Variants in PDE1A observed in about 807,000 individuals in gnomAD.
PDE1A encodes dual specificity calcium/calmodulin-dependent 3',5'-cyclic nucleotide phosphodiesterase 1A.
PDE1A carries 35 observed loss-of-function variants against 61.7 expected under a neutral mutation model. The ratio of observed to expected loss-of-function variants is 0.57; its 90% CI spans 0.43 to 0.75. The LOEUF (loss-of-function observed/expected upper bound fraction) is 0.75, where lower values mean the gene tolerates loss of function less well. Among genes scored for constraint, PDE1A ranks in the 30% least tolerant of loss-of-function variants. The pLI, the probability that PDE1A is intolerant of heterozygous loss-of-function variation, is 0.00. For synonymous variants in PDE1A, 232 were observed against 213.2 expected, an observed-to-expected ratio of 1.09 and a Z score of -0.77; for missense variants, 597 against 630.6, an observed-to-expected ratio of 0.95 and a Z score of 0.57.
chr2:182,552,480 TGTCAC>T, the PDE1A span, among the ~76,000 whole-genome samples: 1 of 85,716 alleles, frequency 1.2e-5, no homozygotes, highest in Admixed American at 1.1e-4. Flanking sequence ...AGTGTCGCTC[TGTCAC>T]CCAGGCTGGA....
chr2:182,282,331 T>C (rs1178814178), intron 1 of PDE1A, among the ~76,000 whole-genome samples: 1 of 151,952 alleles, frequency 6.6e-6, no homozygotes, highest in Non-Finnish European at 1.5e-5. Context: ...CAAGCCTCCT[T>C]ACATACATTT....
At chr2:182,431,132 A>C (rs563260611), upstream of PDE1A, among the ~76,000 whole-genome samples, 7,009 of 150,194 alleles carry the variant, frequency 0.047, 205 homozygotes, top group Middle Eastern at 0.076. Context: ...AAAAAAAAAA[A>C]AAAAAAAAAC....
chr2:182,542,283 T>C, the PDE1A span, among the ~76,000 whole-genome samples: 1 of 152,152 alleles, frequency 6.6e-6, no homozygotes, highest in African/African-American at 2.4e-5. Context: ...ACGCTCAATT[T>C]CACAAAAAGA....
At chr2:182,152,765 T>C (rs1179879134) in intron 13 of PDE1A, among the ~76,000 whole-genome samples, 1 of 152,110 alleles carries the variant, frequency 6.6e-6, no homozygotes. Context: ...AAGAAGCAGT[T>C]GTATGTGTTC....
At chr2:182,615,996 T>A in the PDE1A span, among the ~76,000 whole-genome samples, 1 of 152,212 alleles carries the variant, frequency 6.6e-6, no homozygotes, top group African/African-American at 2.4e-5. Flanking sequence ...ACTTTGGAGG[T>A]CACATTCAAA....
At chr2:182,319,171 G>C (rs1349507111) in intron 1 of PDE1A, among the ~76,000 whole-genome samples, 1 of 152,020 alleles carries the variant, frequency 6.6e-6, no homozygotes, top group Non-Finnish European at 1.5e-5. Context: ...TTTGATTTCT[G>C]TAAGAGGATC....
chr2:182,246,445 T>G (rs1690981638), intron 2 of PDE1A, among the ~76,000 whole-genome samples: 1 of 136,240 alleles, frequency 7.3e-6, no homozygotes, highest in Non-Finnish European at 1.5e-5. Flanking sequence ...GCTCCGTCGC[T>G]CAGGCTGTAG....
the PDE1A span, among the ~76,000 whole-genome samples, chr2:182,613,328 C>T: frequency 1.3e-5 from 2 of 151,988 alleles, no homozygotes; most frequent in Non-Finnish European, 2.9e-5. Context: ...TTTGGGAGGC[C>T]GAGGCGAGTG....
At chr2:182,610,925 G>A in the PDE1A span, among the ~76,000 whole-genome samples, 1 of 152,160 alleles carries the variant, frequency 6.6e-6, no homozygotes, top group Non-Finnish European at 1.5e-5. Context: ...TGGTTACAAA[G>A]TATTTTATAT....
At chr2:182,648,461 A>G in the PDE1A span, among the ~76,000 whole-genome samples, 1 of 144,512 alleles carries the variant, frequency 6.9e-6, no homozygotes, top group Non-Finnish European at 1.5e-5. Context: ...CCTTGTGGCC[A>G]GGAGTTTGAG....
the PDE1A span, among the ~76,000 whole-genome samples, chr2:182,543,945 GTC>G: frequency 2.0e-5 from 3 of 152,068 alleles, no homozygotes; most frequent in African/African-American, 7.2e-5. Context: ...CTTCCTCTCT[GTC>G]TCTCCTTCCC....
At chr2:182,510,208 T>C (rs1339592952) in intron 2 of PDE1A, among the ~76,000 whole-genome samples, 1 of 152,102 alleles carries the variant, frequency 6.6e-6, no homozygotes, top group Non-Finnish European at 1.5e-5. Flanking sequence ...CAAGAAAGTA[T>C]AGCTGAAAGG....
chr2:182,490,691 A>C (rs1218301793), intron 2 of PDE1A, among the ~76,000 whole-genome samples: 1 of 152,114 alleles, frequency 6.6e-6, no homozygotes, highest in Non-Finnish European at 1.5e-5. Context: ...TATTTTTTTA[A>C]CCTGAAAATA....
the PDE1A span, among the ~76,000 whole-genome samples, chr2:182,602,418 A>G: frequency 6.6e-6 from 1 of 152,164 alleles, no homozygotes; most frequent in Admixed American, 6.5e-5. Flanking sequence ...ATCCAACACC[A>G]ACTGGTCAAA....
chr2:182,163,726 T>C (rs1300082690), downstream of PDE1A, among the ~76,000 whole-genome samples: 1 of 152,158 alleles, frequency 6.6e-6, no homozygotes, highest in African/African-American at 2.4e-5. Flanking sequence ...TTTGGGTGTG[T>C]TACCCTAGCC....
chr2:182,194,524 C>A (rs1033447667), intron 10 of PDE1A, among the ~76,000 whole-genome samples: 2 of 152,120 alleles, frequency 1.3e-5, no homozygotes, highest in South Asian at 2.1e-4. Flanking sequence ...AGGCTTGTTG[C>A]GAAAATGCCT....
intron 13 of PDE1A, among the ~76,000 whole-genome samples, chr2:182,169,372 G>C (rs1037822816): frequency 3.9e-5 from 6 of 151,946 alleles, no homozygotes; most frequent in African/African-American, 1.5e-4. Context: ...CACAAATGTG[G>C]CATGGATTTT....
chr2:182,547,345 A>G, the PDE1A span, among the ~76,000 whole-genome samples: 1 of 152,288 alleles, frequency 6.6e-6, no homozygotes, highest in South Asian at 2.1e-4. Context: ...TACCCCCACA[A>G]AAAAGAGAAC....
chr2:182,715,756 T>G, the PDE1A span, among the ~76,000 whole-genome samples: 1 of 152,162 alleles, frequency 6.6e-6, no homozygotes, highest in Non-Finnish European at 1.5e-5. Flanking sequence ...AAATTGTAAA[T>G]GTTTTAATTT....
Sources: gnomAD v4.1 joint callset for allele counts (sites outside exome capture counted in the v4.1 genomes callset) on GRCh38, gnomAD v4.1.1 for gene constraint, MANE v1.5 for transcripts, NCBI Gene and HGNC (gene_info 2026-07-23, HGNC 2026-07-21) for gene names.